The following ZFPM2 variants were observed in gnomAD, a reference collection of about 807,000 sequenced individuals.
ZFPM2 encodes zinc finger protein ZFPM2.
Under a neutral mutation model 98.6 loss-of-function variants are expected in ZFPM2, and 20 were observed. The ratio of observed to expected loss-of-function variants is 0.20; its 90% CI spans 0.14 to 0.29. The LOEUF (loss-of-function observed/expected upper bound fraction) is 0.29, where lower values mean the gene tolerates loss of function less well. Ranked by LOEUF, ZFPM2 falls within the 10% of genes least tolerant of loss-of-function variation. The pLI is 1.00. For synonymous variants in ZFPM2, 518 were observed against 502.7 expected, an observed-to-expected ratio of 1.03 and a Z score of -0.41; for missense variants, 1,310 against 1,388.6, an observed-to-expected ratio of 0.94 and a Z score of 0.90.
intron 5 of ZFPM2, among the ~76,000 whole-genome samples, chr8:105,660,136 A>G (rs1367798467): frequency 1.3e-5 from 2 of 151,292 alleles, no homozygotes; most frequent in African/African-American, 2.4e-5. Flanking sequence ...ACTGTTAGTC[A>G]AGTACATTTT....
At chr8:105,386,839 AAGGTGGAGGACAAAAGTTCTCC>A (rs1338197606) in intron 1 of ZFPM2, among the ~76,000 whole-genome samples, 1 of 151,918 alleles carries the variant, frequency 6.6e-6, no homozygotes, top group African/African-American at 2.4e-5. Flanking sequence ...GAACAAGGGG[AAGGTGGAGGACAAAAGTTCTCC>A]ACGTACCCAC....
At chr8:105,392,874 G>C (rs535808632) in intron 1 of ZFPM2, among the ~76,000 whole-genome samples, 10 of 151,938 alleles carry the variant, frequency 6.6e-5, no homozygotes, top group Non-Finnish European at 4.4e-5. Context: ...AGTTCTTTTC[G>C]TGCTTATAGT....
intron 3 of ZFPM2, among the ~76,000 whole-genome samples, chr8:105,468,793 C>G (rs1345961527): frequency 6.6e-6 from 1 of 152,134 alleles, no homozygotes; most frequent in Non-Finnish European, 1.5e-5. Context: ...AATCATACTC[C>G]TTTTTGTTGG....
At chr8:105,799,032 T>C (rs1813921983) in intron 7 of ZFPM2, 84 bp downstream of exon 7, 4 of 1,185,962 alleles carry the variant, frequency 3.4e-6, no homozygotes, top group Admixed American at 2.3e-5. Context: ...TATACGTCTA[T>C]ATCTGTCTAT....
At chr8:105,611,802 G>A (rs1454783230) in intron 4 of ZFPM2, among the ~76,000 whole-genome samples, 6 of 151,426 alleles carry the variant, frequency 4.0e-5, no homozygotes, top group African/African-American at 7.3e-5. Flanking sequence ...GGGTTCAAGC[G>A]ATTCTCCTGC....
chr8:105,684,577 C>T (rs745955562), intron 5 of ZFPM2, among the ~76,000 whole-genome samples: 2 of 152,026 alleles, frequency 1.3e-5, no homozygotes, highest in Non-Finnish European at 2.9e-5. Flanking sequence ...GAAAATTTAG[C>T]ATGGGTTAAA....
chr8:105,388,260 G>T (rs1811041271), intron 1 of ZFPM2, among the ~76,000 whole-genome samples: 1 of 152,004 alleles, frequency 6.6e-6, no homozygotes, highest in African/African-American at 2.4e-5. Flanking sequence ...AGATTTTCAT[G>T]GGGGAACAAC....
intron 5 of ZFPM2, among the ~76,000 whole-genome samples, chr8:105,660,850 G>T (rs772317435): frequency 2.0e-5 from 3 of 152,086 alleles, no homozygotes; most frequent in Non-Finnish European, 4.4e-5. Context: ...TCACATTTCA[G>T]ATTACATATA....
intron 5 of ZFPM2, among the ~76,000 whole-genome samples, chr8:105,688,973 C>T (rs767509827): frequency 5.3e-5 from 8 of 152,070 alleles, no homozygotes; most frequent in Non-Finnish European, 7.4e-5. Context: ...GTGGCTCCAC[C>T]CCACCTACTA....
intron 5 of ZFPM2, among the ~76,000 whole-genome samples, chr8:105,645,598 A>G (rs1817026984): frequency 6.6e-6 from 1 of 152,186 alleles, no homozygotes; most frequent in Non-Finnish European, 1.5e-5. Flanking sequence ...GTTTATTTCT[A>G]ATAAAGTGTT....
chr8:105,368,308 T>C (rs1810548920), intron 1 of ZFPM2, among the ~76,000 whole-genome samples: 1 of 152,150 alleles, frequency 6.6e-6, no homozygotes, highest in Non-Finnish European at 1.5e-5. Context: ...ATGGTACCAG[T>C]ACCACAAGGA....
At chr8:105,527,301 A>G (rs1417912878) in intron 3 of ZFPM2, among the ~76,000 whole-genome samples, 1 of 152,186 alleles carries the variant, frequency 6.6e-6, no homozygotes, top group Non-Finnish European at 1.5e-5. Context: ...TTTGGCAAGG[A>G]CGACCTGGAA....
At chr8:105,795,181 G>A (rs1039761880) in intron 6 of ZFPM2, among the ~76,000 whole-genome samples, 11 of 151,938 alleles carry the variant, frequency 7.2e-5, no homozygotes, top group African/African-American at 1.2e-4. Flanking sequence ...CGTCACTCAC[G>A]CTGGGAGCTG....
chr8:105,378,775 TAAAG>T (rs1441292985), intron 1 of ZFPM2, among the ~76,000 whole-genome samples: 4 of 152,118 alleles, frequency 2.6e-5, no homozygotes, highest in Non-Finnish European at 5.9e-5. Flanking sequence ...ACAAATGAGA[TAAAG>T]AAGAAGAAAA....
intron 1 of ZFPM2, chr8:105,414,950 G>T (rs984481932): frequency 3.9e-5 from 6 of 152,044 alleles, no homozygotes; most frequent in Non-Finnish European, 7.4e-5. Flanking sequence ...CGCAGCTGTT[G>T]GTACTGACTA....
chr8:105,676,662 A>G (rs1322025327), intron 5 of ZFPM2, among the ~76,000 whole-genome samples: 1 of 152,018 alleles, frequency 6.6e-6, no homozygotes, highest in African/African-American at 2.4e-5. Context: ...TATAAGAGCA[A>G]TATTTGAAAA....
intron 1 of ZFPM2, 61 bp from the exon 2 acceptor site, chr8:105,419,083 G>T: frequency 6.5e-7 from 1 of 1,542,394 alleles, no homozygotes; most frequent in Non-Finnish European, 8.8e-7. Context: ...TCTATTTAAG[G>T]ATTTTATTTC....
At chr8:105,426,120 CCATAAT>C (rs2130116792) in intron 2 of ZFPM2, among the ~76,000 whole-genome samples, 1 of 152,176 alleles carries the variant, frequency 6.6e-6, no homozygotes, top group African/African-American at 2.4e-5. Flanking sequence ...GACAGCTCTA[CCATAAT>C]CACTTTGAGT....
At chr8:105,462,803 A>G (rs1446503567) in intron 3 of ZFPM2, among the ~76,000 whole-genome samples, 3 of 151,962 alleles carry the variant, frequency 2.0e-5, no homozygotes, top group East Asian at 3.9e-4. Context: ...TATTTCTTTA[A>G]TTTCTGAATG....
Sources: allele counts gnomAD v4.1 joint callset (sites outside exome capture counted in the v4.1 genomes callset), GRCh38; gene constraint gnomAD v4.1.1; transcripts MANE v1.5; gene names NCBI Gene and HGNC (gene_info 2026-07-23, HGNC 2026-07-21).